Variants in PDE1C observed in about 807,000 individuals in gnomAD.
PDE1C encodes the protein phosphodiesterase 1C, also known as dual specificity calcium/calmodulin-dependent 3',5'-cyclic nucleotide phosphodiesterase 1C.
A neutral mutation model predicts 93.1 loss-of-function variants in PDE1C; 62 were observed. The ratio of observed to expected loss-of-function variants is 0.67; its 90% CI spans 0.54 to 0.82. PDE1C has a LOEUF of 0.82. Among genes scored for constraint, PDE1C ranks in the 40% least tolerant of loss-of-function variants. PDE1C has a pLI of 0.00. For synonymous variants in PDE1C, 325 were observed against 310.1 expected, an observed-to-expected ratio of 1.05 and a Z score of -0.50; for missense variants, 742 against 884.6, an observed-to-expected ratio of 0.84 and a Z score of 2.04.
chr7:32,288,993 T>C (rs1160370301), intron 1 of PDE1C, among the ~76,000 whole-genome samples: 3 of 152,224 alleles, frequency 2.0e-5, no homozygotes, highest in African/African-American at 7.2e-5. Flanking sequence ...TTTTTCAATA[T>C]TTTTATAAGC....
chr7:31,803,424 T>C (rs1266247165), intron 16 of PDE1C, among the ~76,000 whole-genome samples: 1 of 151,716 alleles, frequency 6.6e-6, no homozygotes, highest in Non-Finnish European at 1.5e-5. Context: ...ATTATTATAC[T>C]TTAAGTTTTA....
chr7:31,821,436 C>T (rs1788944345), intron 14 of PDE1C, among the ~76,000 whole-genome samples: 1 of 152,124 alleles, frequency 6.6e-6, no homozygotes, highest in Non-Finnish European at 1.5e-5. Flanking sequence ...TGAAGTACCT[C>T]TTTAAATTGC....
At chr7:31,686,479 A>G in the PDE1C span, among the ~76,000 whole-genome samples, 4 of 152,196 alleles carry the variant, frequency 2.6e-5, no homozygotes, top group Non-Finnish European at 5.9e-5. Flanking sequence ...TATAACCTAT[A>G]GAGTTGGGGG....
At chr7:32,210,604 C>A (rs888357060) in intron 1 of PDE1C, among the ~76,000 whole-genome samples, 1 of 152,100 alleles carries the variant, frequency 6.6e-6, no homozygotes, top group East Asian at 1.9e-4. Flanking sequence ...TGCATTTGAG[C>A]AATTTTTTAA....
intron 17 of PDE1C, among the ~76,000 whole-genome samples, chr7:31,771,703 G>A (rs565660011): frequency 6.6e-6 from 1 of 152,192 alleles, no homozygotes; most frequent in South Asian, 2.1e-4. Context: ...CTGTATTCAT[G>A]TGTCTTTTGA....
chr7:31,984,238 G>C (rs1783078065), intron 2 of PDE1C, among the ~76,000 whole-genome samples: 1 of 152,094 alleles, frequency 6.6e-6, no homozygotes, highest in South Asian at 2.1e-4. Context: ...ATCAACTGAG[G>C]CATTAGATTC....
intron 3 of PDE1C, among the ~76,000 whole-genome samples, chr7:32,134,716 C>G (rs1163387528): frequency 6.6e-6 from 1 of 152,018 alleles, no homozygotes; most frequent in African/African-American, 2.4e-5. Flanking sequence ...AATGAGAACA[C>G]ATGGACACAG....
chr7:32,183,665 G>A (rs969182049), intron 2 of PDE1C, among the ~76,000 whole-genome samples: 4 of 152,152 alleles, frequency 2.6e-5, no homozygotes, highest in Non-Finnish European at 5.9e-5. Context: ...ATGGATTAAA[G>A]ACTTAAACGT....
the PDE1C span, among the ~76,000 whole-genome samples, chr7:31,625,628 GGGA>G: frequency 3.3e-5 from 5 of 152,092 alleles, no homozygotes; most frequent in African/African-American, 1.2e-4. Context: ...GTTGTGGGGT[GGGA>G]GGAGGGGGGA....
At chr7:32,419,219 T>C (rs1173017128) in intron 1 of PDE1C, among the ~76,000 whole-genome samples, 9 of 152,194 alleles carry the variant, frequency 5.9e-5, no homozygotes, top group African/African-American at 2.2e-4. Flanking sequence ...GAACAAAGCT[T>C]GGAAGAAAGA....
rs770291065 is a variant in PDE1C at position 31,824,995 on chromosome 7, G to A, written c.1286-8C>T. On this transcript the variant is annotated splice_region_variant and splice_polypyrimidine_tract_variant and intron_variant, in intron 12 of 17. Transcript: ENST00000396191. ...CGATGAAATCAATGAAACCTGAAGA[G>A]AAACAGCAATGCTTCAGAGGAACCA... 1.2e-6 allele frequency: 2 copies of A among 1,613,038 alleles called. No individual in the cohort carries two copies. Among genetic ancestry groups the A allele is most frequent in the Non-Finnish European group, 1.7e-6 (2 of 1,179,294 alleles).
chr7:31,897,202 A>T (rs1365353034), intron 2 of PDE1C, among the ~76,000 whole-genome samples: 1 of 152,212 alleles, frequency 6.6e-6, no homozygotes, highest in African/African-American at 2.4e-5. Flanking sequence ...GTGCTGTCAC[A>T]GGGCTCTACT....
chr7:31,818,902 T>C (rs923940337), intron 14 of PDE1C, among the ~76,000 whole-genome samples: 14 of 152,160 alleles, frequency 9.2e-5, no homozygotes, highest in African/African-American at 3.4e-4. Context: ...TATAAAATAT[T>C]ATCTGAGCAA....
chr7:31,990,565 T>A (rs113740193), intron 2 of PDE1C, among the ~76,000 whole-genome samples: 1 of 152,182 alleles, frequency 6.6e-6, no homozygotes, highest in African/African-American at 2.4e-5. Context: ...AATTCTAAGC[T>A]GGGGTTCGAT....
At chr7:31,688,247 AT>A in the PDE1C span, among the ~76,000 whole-genome samples, 306 of 152,290 alleles carry the variant, frequency 2.0e-3, 3 homozygotes, top group African/African-American at 6.9e-3. Flanking sequence ...TGAAAACTAA[AT>A]TTTTGAGAGA....
intron 16 of PDE1C, chr7:31,787,501 A>T (rs1234776602): frequency 6.6e-6 from 1 of 152,230 alleles, no homozygotes; most frequent in Admixed American, 6.5e-5. Flanking sequence ...CATTAACACA[A>T]CTTAAATATA....
At chr7:32,263,243 G>T (rs913913457) in intron 1 of PDE1C, among the ~76,000 whole-genome samples, 1 of 152,044 alleles carries the variant, frequency 6.6e-6, no homozygotes, top group Non-Finnish European at 1.5e-5. Flanking sequence ...TGGTACAAAC[G>T]ATATCCATAT....
intron 1 of PDE1C, among the ~76,000 whole-genome samples, chr7:32,067,606 A>G (rs1795555372): frequency 6.6e-6 from 1 of 152,178 alleles, no homozygotes; most frequent in Non-Finnish European, 1.5e-5. Flanking sequence ...AAGAAGGGAA[A>G]GAGAAAGCCC....
intron 2 of PDE1C, among the ~76,000 whole-genome samples, chr7:31,989,650 T>C (rs1192482406): frequency 1.3e-5 from 2 of 152,148 alleles, no homozygotes; most frequent in African/African-American, 4.8e-5. Context: ...CTTGTTCTCT[T>C]TTCCCTTTTA....
Sources: allele counts gnomAD v4.1 joint callset (sites outside exome capture counted in the v4.1 genomes callset), GRCh38; gene constraint gnomAD v4.1.1; transcripts MANE v1.5; gene names NCBI Gene and HGNC (gene_info 2026-07-23, HGNC 2026-07-21).